NKAIN2: variants seen among roughly 807,000 people sequenced by gnomAD.
NKAIN2 encodes sodium/potassium transporting ATPase interacting 2, also known as sodium/potassium-transporting ATPase subunit beta-1-interacting protein 2.
In NKAIN2, 14 loss-of-function variants were observed where a neutral mutation model predicts 32.6. The ratio of observed to expected loss-of-function variants is 0.43; its 90% confidence interval spans 0.28 to 0.67. NKAIN2 has a LOEUF of 0.67. Ranked by LOEUF, NKAIN2 falls within the 30% of genes least tolerant of loss-of-function variation. NKAIN2 has a pLI of 0.17. For synonymous variants in NKAIN2, 80 were observed against 87.2 expected, an observed-to-expected ratio of 0.92 and a Z score of 0.46; for missense variants, 198 against 258.3, an observed-to-expected ratio of 0.77 and a Z score of 1.60.
At chr6:124,115,038 A>G (rs947665381) in intron 1 of NKAIN2, among the ~76,000 whole-genome samples, 34 of 152,138 alleles carry the variant, frequency 2.2e-4, no homozygotes, top group East Asian at 1.9e-4. Flanking sequence ...GTGTGTGTGT[A>G]TGTATTTGAC....
chr6:123,971,001 A>C (rs941114326), intron 1 of NKAIN2, among the ~76,000 whole-genome samples: 2 of 152,232 alleles, frequency 1.3e-5, no homozygotes, highest in African/African-American at 4.8e-5. Flanking sequence ...CCTGTAAAAC[A>C]TCAAAATTGT....
At chr6:124,628,735 G>A (rs1036591437) in intron 3 of NKAIN2, among the ~76,000 whole-genome samples, 1 of 151,996 alleles carries the variant, frequency 6.6e-6, no homozygotes, top group Admixed American at 6.6e-5. Flanking sequence ...TTTCTCTCCA[G>A]TTCCTTCCTT....
intron 2 of NKAIN2, among the ~76,000 whole-genome samples, chr6:124,287,521 C>A (rs1204915731): frequency 2.6e-5 from 4 of 152,064 alleles, no homozygotes; most frequent in African/African-American, 9.7e-5. Flanking sequence ...CCATAGAGAG[C>A]TTCTGTCACT....
chr6:124,683,152 A>T (rs1044599207), intron 4 of NKAIN2, among the ~76,000 whole-genome samples: 1 of 152,208 alleles, frequency 6.6e-6, no homozygotes, highest in Non-Finnish European at 1.5e-5. Flanking sequence ...GGTGCCATTA[A>T]CTGAAATAAA....
intron 1 of NKAIN2, among the ~76,000 whole-genome samples, chr6:124,037,124 G>A (rs745835212): frequency 6.6e-6 from 1 of 152,036 alleles, no homozygotes; most frequent in Non-Finnish European, 1.5e-5. Context: ...AGGCAGAGAG[G>A]CGAGTGCTCA....
At chr6:124,164,883 T>C (rs1260894923) in intron 1 of NKAIN2, among the ~76,000 whole-genome samples, 2 of 152,070 alleles carry the variant, frequency 1.3e-5, no homozygotes, top group African/African-American at 4.8e-5. Context: ...TATGCTTACA[T>C]TGGTACAAGT....
chr6:124,132,068 T>C (rs778302936), intron 1 of NKAIN2, among the ~76,000 whole-genome samples: 1 of 152,174 alleles, frequency 6.6e-6, no homozygotes, highest in South Asian at 2.1e-4. Flanking sequence ...TCAGCACTGT[T>C]AATGGGGCAC....
At chr6:124,287,124 A>T (rs1016068149) in intron 2 of NKAIN2, among the ~76,000 whole-genome samples, 3 of 152,206 alleles carry the variant, frequency 2.0e-5, no homozygotes, top group Admixed American at 2.0e-4. Flanking sequence ...TGTCTATCTT[A>T]TTACAGTTAA....
chr6:124,045,740 C>T (rs868717928), intron 1 of NKAIN2, among the ~76,000 whole-genome samples: 44 of 152,040 alleles, frequency 2.9e-4, no homozygotes, highest in African/African-American at 8.7e-4. Context: ...AAACCATGTT[C>T]TATAATTTGA....
chr6:123,956,377 G>A (rs1333082448), intron 1 of NKAIN2, among the ~76,000 whole-genome samples: 1 of 152,122 alleles, frequency 6.6e-6, no homozygotes, highest in Non-Finnish European at 1.5e-5. Context: ...TCATAAGGGT[G>A]GGACCCTAAC....
intron 1 of NKAIN2, among the ~76,000 whole-genome samples, chr6:124,081,927 T>A (rs1783983771): frequency 6.6e-6 from 1 of 152,080 alleles, no homozygotes; most frequent in African/African-American, 2.4e-5. Context: ...CTCTTCAGTG[T>A]CTTGCTGAGC....
At chr6:124,109,827 C>T (rs1054302555) in intron 1 of NKAIN2, among the ~76,000 whole-genome samples, 2 of 151,902 alleles carry the variant, frequency 1.3e-5, no homozygotes, top group African/African-American at 2.4e-5. Context: ...TGAATTTTGC[C>T]AAATTCTTTT....
At position 123,972,509 on chromosome 6, in the gene NKAIN2, T is replaced by A. The variant is rs537098587; in HGVS notation, c.54+168255T>A. Among the ~76,000 whole-genome samples, 197 of 152,324 alleles carry A rather than the reference T, an allele frequency of 1.3e-3. 1 individual carries two copies. Among genetic ancestry groups the A allele is most frequent in the African/African-American group, 4.6e-3 (192 of 41,580 alleles). On this transcript the variant is annotated intron_variant, in intron 1 of 6. Coordinates refer to ENST00000368417, the MANE Select transcript of NKAIN2 (RefSeq NM_001040214.3). ...TCTGAGTAGCTGAGAAGCTGCCACT[T>A]ATTCCAGTGTCTGAAACATGGATAT...
intron 3 of NKAIN2, among the ~76,000 whole-genome samples, chr6:124,559,048 C>T (rs1397281344): frequency 6.6e-6 from 1 of 152,120 alleles, no homozygotes; most frequent in Non-Finnish European, 1.5e-5. Context: ...TGGAAACTGG[C>T]TCAGAAAGCC....
chr6:123,980,943 C>T (rs1778863658), intron 1 of NKAIN2, among the ~76,000 whole-genome samples: 1 of 150,870 alleles, frequency 6.6e-6, no homozygotes, highest in Non-Finnish European at 1.5e-5. Flanking sequence ...GATCTCTGCT[C>T]ACTGCAACCT....
At chr6:124,606,702 A>G (rs1782513408) in intron 3 of NKAIN2, among the ~76,000 whole-genome samples, 1 of 152,154 alleles carries the variant, frequency 6.6e-6, no homozygotes, top group South Asian at 2.1e-4. Context: ...GCAATTAGGA[A>G]AAGTAAAAGG....
At chr6:124,204,831 T>A (rs1790774780) in intron 1 of NKAIN2, among the ~76,000 whole-genome samples, 1 of 151,746 alleles carries the variant, frequency 6.6e-6, no homozygotes, top group African/African-American at 2.4e-5. Context: ...ATGTGTTTCT[T>A]AATCTTTCAG....
intron 1 of NKAIN2, among the ~76,000 whole-genome samples, chr6:123,982,612 A>C (rs1778949044): frequency 6.6e-6 from 1 of 152,182 alleles, no homozygotes; most frequent in Non-Finnish European, 1.5e-5. Context: ...TAGGATTTTA[A>C]GGGCCTAAGT....
At chr6:124,767,895 C>G (rs1338683514) in intron 4 of NKAIN2, among the ~76,000 whole-genome samples, 1 of 152,150 alleles carries the variant, frequency 6.6e-6, no homozygotes, top group Non-Finnish European at 1.5e-5. Flanking sequence ...CTTCTGGCAC[C>G]ACTATATTTC....
Sources: allele counts gnomAD v4.1 joint callset (sites outside exome capture counted in the v4.1 genomes callset), GRCh38; gene constraint gnomAD v4.1.1; transcripts MANE v1.5; gene names NCBI Gene and HGNC (gene_info 2026-07-23, HGNC 2026-07-21).